Variants in CEP112 observed in about 807,000 individuals in gnomAD.
The protein encoded by CEP112 is centrosomal protein of 112 kDa.
Under a neutral mutation model 153.0 loss-of-function variants are expected in CEP112, and 127 were observed. That is an observed-to-expected ratio of 0.83 (90% CI 0.72 to 0.96). CEP112 has a LOEUF of 0.96. Ranked by LOEUF, CEP112 falls within the 40% of genes least tolerant of loss-of-function variation. The pLI, the probability that CEP112 is intolerant of heterozygous loss-of-function variation, is 0.00. For synonymous variants in CEP112, 358 were observed against 374.4 expected (o/e 0.96, Z 0.51); for missense variants, 1,089 against 1,101.2 (o/e 0.99, Z 0.16).
chr17:66,157,038 A>T (rs1293875889), intron 4 of CEP112, among the ~76,000 whole-genome samples: 2 of 152,184 alleles, frequency 1.3e-5, no homozygotes, highest in East Asian at 3.9e-4. Flanking sequence ...CACTACAAAG[A>T]CACTCCTCAA....
chr17:66,182,985 C>A (rs2072779145), intron 2 of CEP112, among the ~76,000 whole-genome samples: 1 of 152,166 alleles, frequency 6.6e-6, no homozygotes, highest in Non-Finnish European at 1.5e-5. Context: ...CGAGGCATCA[C>A]AATAAGATCT....
At chr17:65,989,227 T>A (rs1598025219) in intron 17 of CEP112, among the ~76,000 whole-genome samples, 2 of 108,322 alleles carry the variant, frequency 1.8e-5, no homozygotes. Flanking sequence ...AGAGTGAGAC[T>A]CCATCTCAAA....
intron 12 of CEP112, among the ~76,000 whole-genome samples, chr17:66,053,051 G>A (rs2066506763): frequency 6.6e-6 from 1 of 151,080 alleles, no homozygotes; most frequent in African/African-American, 2.4e-5. Context: ...AGGTTGCAGT[G>A]AGCTGAGACT....
chr17:65,781,893 T>G (rs1052023346), intron 21 of CEP112, among the ~76,000 whole-genome samples: 1 of 152,146 alleles, frequency 6.6e-6, no homozygotes, highest in Non-Finnish European at 1.5e-5. Flanking sequence ...GACCTCCATC[T>G]ATAAGAATCC....
chr17:65,929,399 C>T (rs1375758947), intron 18 of CEP112, among the ~76,000 whole-genome samples: 1 of 152,166 alleles, frequency 6.6e-6, no homozygotes, highest in Non-Finnish European at 1.5e-5. Flanking sequence ...AGTGCTCTCA[C>T]CTTGTGGGCA....
At chr17:66,066,471 T>A (rs1177372368) in intron 10 of CEP112, among the ~76,000 whole-genome samples, 2 of 152,176 alleles carry the variant, frequency 1.3e-5, no homozygotes, top group East Asian at 1.9e-4. Context: ...TGTATCCCAA[T>A]GAGGCTAGAG....
At chr17:65,636,024 G>T in intron 26 of CEP112, 50 bp from the exon 27 acceptor site, 1 of 1,571,052 alleles carries the variant, frequency 6.4e-7, no homozygotes, top group Non-Finnish European at 8.7e-7. Context: ...TAACAGGTAT[G>T]TCAATCAAAA....
At chr17:66,067,645 T>C (rs1017697718) in intron 9 of CEP112, among the ~76,000 whole-genome samples, 2 of 152,212 alleles carry the variant, frequency 1.3e-5, no homozygotes. Flanking sequence ...GTAAAAATTA[T>C]ATTATAGTGC....
intron 24 of CEP112, among the ~76,000 whole-genome samples, chr17:65,645,806 T>C (rs1182935301): frequency 6.6e-6 from 1 of 152,238 alleles, no homozygotes; most frequent in African/African-American, 2.4e-5. Context: ...GCAAAGATCA[T>C]ATGCTAGTTC....
chr17:65,963,670 T>TAG (rs2062300940), intron 17 of CEP112, among the ~76,000 whole-genome samples: 1 of 139,194 alleles, frequency 7.2e-6, no homozygotes, highest in Non-Finnish European at 1.5e-5. Flanking sequence ...TAGATATAGA[T>TAG]AGGGGTGTGT....
intron 23 of CEP112, among the ~76,000 whole-genome samples, chr17:65,719,125 G>A (rs895261263): frequency 6.6e-6 from 1 of 152,214 alleles, no homozygotes; most frequent in Admixed American, 6.5e-5. Context: ...CACAACAGTG[G>A]GTTTACTTGA....
intron 21 of CEP112, among the ~76,000 whole-genome samples, chr17:65,821,852 T>A (rs1433861470): frequency 1.3e-5 from 2 of 151,738 alleles, no homozygotes; most frequent in Non-Finnish European, 2.9e-5. Flanking sequence ...GTGCCTGGCC[T>A]AATATTGTTT....
chr17:66,157,522 A>G (rs2071496492), intron 4 of CEP112, among the ~76,000 whole-genome samples: 1 of 152,174 alleles, frequency 6.6e-6, no homozygotes, highest in South Asian at 2.1e-4. Flanking sequence ...AAATTCACAC[A>G]TAACAATATT....
intron 20 of CEP112, among the ~76,000 whole-genome samples, chr17:65,855,026 A>G (rs1021343738): frequency 2.0e-5 from 3 of 152,282 alleles, no homozygotes; most frequent in Non-Finnish European, 4.4e-5. Flanking sequence ...CTTCCCCAAA[A>G]TCAATCCTGG....
chr17:66,001,858 T>C (rs1440372922), intron 17 of CEP112, among the ~76,000 whole-genome samples: 2 of 152,190 alleles, frequency 1.3e-5, no homozygotes, highest in Non-Finnish European at 2.9e-5. Context: ...TATGCTTTAA[T>C]TACTTATCTT....
intron 17 of CEP112, among the ~76,000 whole-genome samples, chr17:65,983,150 T>C (rs2063288835): frequency 6.6e-6 from 1 of 152,194 alleles, no homozygotes; most frequent in Admixed American, 6.5e-5. Flanking sequence ...GAGGTAGTCA[T>C]TGCACAACAA....
intron 24 of CEP112, among the ~76,000 whole-genome samples, chr17:65,683,046 C>A (rs1232274588): frequency 2.6e-5 from 4 of 152,154 alleles, no homozygotes; most frequent in African/African-American, 9.7e-5. Context: ...CAAAGGTGGA[C>A]TGAGAACCAG....
chr17:65,683,622 C>A (rs2047639789), intron 24 of CEP112, among the ~76,000 whole-genome samples: 1 of 152,174 alleles, frequency 6.6e-6, no homozygotes, highest in Admixed American at 6.5e-5. Flanking sequence ...GGCAGTGGGA[C>A]CCTAACCTCT....
intron 20 of CEP112, among the ~76,000 whole-genome samples, chr17:65,895,596 T>G (rs2059632535): frequency 6.6e-6 from 1 of 152,062 alleles, no homozygotes; most frequent in African/African-American, 2.4e-5. Context: ...TATAATCCTG[T>G]TCCTTTTTTG....
Sources: allele counts gnomAD v4.1 joint callset (sites outside exome capture counted in the v4.1 genomes callset), GRCh38; gene constraint gnomAD v4.1.1; transcripts MANE v1.5; gene names NCBI Gene and HGNC (gene_info 2026-07-23, HGNC 2026-07-21).